APOC1: variants seen among roughly 807,000 people sequenced by gnomAD.
APOC1 encodes apolipoprotein C-I.
A neutral mutation model predicts 6.7 loss-of-function variants in APOC1; 4 were observed. That is an observed-to-expected ratio of 0.60 (90% CI 0.29 to 1.37). The LOEUF (loss-of-function observed/expected upper bound fraction) is 1.37, where lower values mean the gene tolerates loss of function less well. Ranked by LOEUF, APOC1 falls within the 40% of genes most tolerant of loss-of-function variation. The pLI, the probability that APOC1 is intolerant of heterozygous loss-of-function variation, is 0.09. For missense variants in APOC1, 122 were observed against 99.4 expected (o/e 1.23, Z -0.97); for synonymous variants, 33 against 40.6 (o/e 0.81, Z 0.72).
At chr19:44,916,151 A>AG in intron 2 of APOC1, 39 bp from the exon 3 acceptor site, 1 of 1,522,322 alleles carries the variant, frequency 6.6e-7, no homozygotes, top group East Asian at 2.4e-5. Flanking sequence ...AAAAAAAAAA[A>AG]AAAAACAAAT....
In APOC1 at chr19:44,917,363, G is replaced by A. The variant is rs192739793; in HGVS notation, c.194+1038G>A. 2.6e-5 allele frequency among the ~76,000 whole-genome samples: 4 copies of A among 152,194 alleles called. No individual in the cohort carries two copies. The East Asian group carries it at 5.8e-4, about 22-fold the overall frequency. ...TGTAACCCCACCACTTTGGAAGGCC[G>A]AGGTGGGTGGATCACTTGAGGTCAG... On this transcript the variant is annotated intron_variant, in intron 3 of 3. Coordinates refer to ENST00000592535, the MANE Select transcript of APOC1 (RefSeq NM_001645.5).
chr19:44,914,742 TGAGTGCCTGG>T lies in APOC1; in HGVS notation c.-21+13_-21+22del, dbSNP rs914728116. 2.7e-6 allele frequency: 2 copies of T among 734,442 alleles called. No individual in the cohort carries two copies. The highest frequency in any genetic ancestry group is 4.6e-6 in the Non-Finnish European group (2 of 434,114). 45.5% of individuals were successfully genotyped at this position (734,442 alleles called of 1,614,324 possible). On this transcript the variant is annotated intron_variant, in intron 1 of 3. Transcript: ENST00000592535. The stretch of plus-strand genomic sequence containing the variant: ...CTCCAGCAAGGATTCAGGTTGGTGC[TGAGTGCCTGG>T]GAGGGACACCCGCCTACACTCTGCA...
At chr19:44,915,452 A>G (rs1424053319) in intron 2 of APOC1, among the ~76,000 whole-genome samples, 2 of 150,254 alleles carry the variant, frequency 1.3e-5, no homozygotes, top group African/African-American at 4.9e-5. Context: ...GCAGGACTAC[A>G]GGCGCCCGCC....
At chr19:44,914,567 A>C (rs1049572829), upstream of APOC1, 61 of 358,274 alleles carry the variant, frequency 1.7e-4, no homozygotes, top group Middle Eastern at 1.7e-3. Flanking sequence ...CGCTCACGGG[A>C]CAGGGGCAGA....
intron 3 of APOC1, among the ~76,000 whole-genome samples, chr19:44,916,995 G>A (rs1970022280): frequency 6.6e-6 from 1 of 151,024 alleles, no homozygotes; most frequent in African/African-American, 2.4e-5. Flanking sequence ...AGATGGTTTT[G>A]TGAGGTAATG....
Position 44,919,177 on chromosome 19 carries a change from T to C in APOC1, c.199T>C (p.Trp67Arg). 1.2e-6 allele frequency: 2 copies of C among 1,613,432 alleles called. No individual in the cohort carries two copies. The highest frequency in any genetic ancestry group is 1.7e-6 in the Non-Finnish European group (2 of 1,179,660). The change falls in exon 4 of 4, where the codon TGG becomes CGG. Residue 67 changes from tryptophan to arginine, a missense_variant. Transcript: ENST00000592535. ...CTTCCTTATTCCTCCCCACAGGGAG[T>C]GGTTTTCAGAGACATTTCAGAAAGT... Reference protein sequence around the residue: ...QSELSAKMREWFSETFQKVKE... With the variant: ...QSELSAKMRERFSETFQKVKE...
At chr19:44,918,135 G>T (rs1354675390) in intron 3 of APOC1, among the ~76,000 whole-genome samples, 1 of 150,444 alleles carries the variant, frequency 6.6e-6, no homozygotes, top group African/African-American at 2.4e-5. Context: ...GGGTGTGGTG[G>T]CAGGCACCTG....
chr19:44,916,194 A>G lies in APOC1; in HGVS notation c.63A>G (p.Pro21=). Residue 21 remains proline, a synonymous_variant, in exon 3 of 4, where the codon CCA becomes CCG. Transcript: ENST00000592535. Reference sequence around the variant, plus strand: ...CCCTGCCCATCTTCCTGGCAGGCCCAGCCCCAGCCCAGGGGACCCCAGACG... The same window carrying G: ...CCCTGCCCATCTTCCTGGCAGGCCCGGCCCCAGCCCAGGGGACCCCAGACG... ...VVVLSIVLEG[P]APAQGTPDVS... is the part of the protein sequence containing the mutation. 4 of 1,526,002 alleles carry G rather than the reference A, an allele frequency of 2.6e-6. No individual in the cohort carries two copies. Among genetic ancestry groups the G allele is most frequent in the Non-Finnish European group, 3.5e-6 (4 of 1,132,418 alleles). The allele number at this position is 1,526,002 out of a possible 1,614,324, so 94.5% of individuals were successfully genotyped here. A position where few individuals can be genotyped will look rare whatever the true frequency, so the allele number is the denominator to read the frequency against.
intron 3 of APOC1, among the ~76,000 whole-genome samples, chr19:44,917,585 AAAGAAAAGAAAAGAG>A (rs1970031389): frequency 6.6e-6 from 1 of 151,726 alleles, no homozygotes; most frequent in Non-Finnish European, 1.5e-5. Flanking sequence ...CTCAACAAAA[AAAGAAAAGAAAAGAG>A]AAGAAAAGAG....
chr19:44,915,104 C>G (rs1421594669), intron 2 of APOC1, 155 bp downstream of exon 2: 3 of 751,256 alleles, frequency 4.0e-6, no homozygotes, highest in African/African-American at 3.5e-5. Flanking sequence ...CCAGGTTCTC[C>G]CAGGCTCAGT....
At chr19:44,916,485 A>C (rs1970012186) in intron 3 of APOC1, 160 bp downstream of exon 3, 2 of 967,392 alleles carry the variant, frequency 2.1e-6, no homozygotes, top group South Asian at 1.7e-5. Context: ...TCAGACTTCA[A>C]GGACAGTTTC....
chr19:44,916,819 A>C (rs1205036572), intron 3 of APOC1, among the ~76,000 whole-genome samples: 5 of 139,676 alleles, frequency 3.6e-5, no homozygotes, highest in Admixed American at 1.4e-4. Context: ...CAAAAAAAAA[A>C]AAAAAAAAAA....
chr19:44,916,473 G>A (rs1487286945), intron 3 of APOC1, 148 bp downstream of exon 3: 1 of 1,057,256 alleles, frequency 9.5e-7, no homozygotes, highest in Middle Eastern at 3.1e-4. Context: ...ATCTCAAGGT[G>A]CTCAGACTTC....
intron 2 of APOC1, chr19:44,915,169 G>A: frequency 1.7e-6 from 1 of 589,954 alleles, no homozygotes; most frequent in East Asian, 2.9e-5. Flanking sequence ...ACGTATTGAG[G>A]CCCACACCTC....
At chr19:44,917,947 C>T (rs150966173) in intron 3 of APOC1, among the ~76,000 whole-genome samples, 4,546 of 151,190 alleles carry the variant, frequency 0.03, 64 homozygotes, top group Middle Eastern at 0.051. Flanking sequence ...GCACTCCAGC[C>T]TGGGCGACAA....
Position 44,916,208 on chromosome 19 carries a change from G to A in APOC1, c.77G>A (p.Gly26Glu). The change falls in exon 3 of 4, where the codon GGG becomes GAG. Residue 26 changes from glycine (G) to glutamate (E), a missense_variant. Gly to Glu is a moderately conservative substitution (Grantham distance 98). Transcript: ENST00000592535. ...CTGGCAGGCCCAGCCCCAGCCCAGG[G>A]GACCCCAGACGTCTCCAGTGCCTTG... ...IVLEGPAPAQGTPDVSSALDK... is the reference protein window; with the variant it reads ...IVLEGPAPAQETPDVSSALDK... 3 of 1,581,586 alleles carry A rather than the reference G, an allele frequency of 1.9e-6. No individual in the cohort carries two copies. The highest frequency in any genetic ancestry group is 2.6e-6 in the Non-Finnish European group (3 of 1,161,890).
chr19:44,916,730 G>T (rs1970015537), intron 3 of APOC1, among the ~76,000 whole-genome samples: 2 of 143,880 alleles, frequency 1.4e-5, no homozygotes, highest in South Asian at 4.5e-4. Context: ...TGAGGCAGGG[G>T]AATTGCTTGA....
chr19:44,916,234 G>A lies in APOC1; in HGVS notation c.103G>A (p.Asp35Asn). Residue 35 changes from aspartate (D) to asparagine (N), a missense_variant, in exon 3 of 4, where the codon GAT becomes AAT. Physicochemically the swap from Asp to Asn is conservative, Grantham distance 23 (BLOSUM62 1). Transcript: ENST00000592535. The part of the protein sequence containing the change: ...QGTPDVSSAL[D>N]KLKEFGNTLE... The stretch of plus-strand genomic sequence containing the variant: ...GACCCCAGACGTCTCCAGTGCCTTG[G>A]ATAAGCTGAAGGAGTTTGGAAACAC... 6.2e-7 allele frequency: 1 copy of A among 1,613,138 alleles called. No homozygotes were observed. Among genetic ancestry groups the A allele is most frequent in the Non-Finnish European group, 8.5e-7 (1 of 1,179,714 alleles).
chr19:44,918,337 C>CTTTTTTTTTTTTTTTTTTT (rs1200008263), intron 3 of APOC1, among the ~76,000 whole-genome samples: 2 of 90,326 alleles, frequency 2.2e-5, no homozygotes, highest in African/African-American at 4.3e-5. Flanking sequence ...TGAAGTGTTT[C>CTTTTTTTTTTTTTTTTTTT]TTTTTTTTTT....
Sources: gnomAD v4.1 joint callset for allele counts (sites outside exome capture counted in the v4.1 genomes callset) on GRCh38, gnomAD v4.1.1 for gene constraint, MANE v1.5 for transcripts, NCBI Gene and HGNC (gene_info 2026-07-23, HGNC 2026-07-21) for gene names.